Variants in DYNLRB1 observed in about 807,000 individuals in gnomAD.
The protein encoded by DYNLRB1 is ROBL/LC7-like 1.
In DYNLRB1, 6 loss-of-function variants were observed where a neutral mutation model predicts 13.5. The ratio of observed to expected loss-of-function variants is 0.44; its 90% CI spans 0.24 to 0.88. DYNLRB1 has a LOEUF of 0.88. Ranked by LOEUF, DYNLRB1 falls within the 40% of genes least tolerant of loss-of-function variation. The probability of loss-of-function intolerance (pLI) is 0.21; values close to 1 mark genes in which losing one functional copy is unlikely to be tolerated. For synonymous variants in DYNLRB1, 43 were observed against 45.0 expected (o/e 0.96, Z 0.18); for missense variants, 93 against 127.2 (o/e 0.73, Z 1.29).
chr20:34,524,269 CTT>C (rs1979996071), intron 1 of DYNLRB1, among the ~76,000 whole-genome samples: 1 of 152,130 alleles, frequency 6.6e-6, no homozygotes, highest in African/African-American at 2.4e-5. Flanking sequence ...CACCAAAGCA[CTT>C]TATTTTTGCA....
In DYNLRB1 at chr20:34,516,666, C is replaced by G. The variant is rs1332508581; in HGVS notation, c.3+205C>G. 11 of 1,465,146 alleles carry G rather than the reference C, an allele frequency of 7.5e-6. 1 individual carries two copies. The highest frequency in any genetic ancestry group is 1.0e-5 in the Non-Finnish European group (11 of 1,105,366). The allele number at this position is 1,465,146 out of a possible 1,614,324, so 90.8% of individuals were successfully genotyped here. A position where few individuals can be genotyped will look rare whatever the true frequency, so the allele number is the denominator to read the frequency against. On this transcript the variant is annotated intron_variant, in intron 1 of 3. Transcript: ENST00000357156. ...CCTGACCGAGGCGGGGCCGCCGGAT[C>G]CCGCTGCCCCTTGACCGGAAGCGGG...
At chr20:34,530,289 G>A (rs993740413) in intron 2 of DYNLRB1, 3 of 1,009,956 alleles carry the variant, frequency 3.0e-6, no homozygotes, top group African/African-American at 1.7e-5. Flanking sequence ...AGCTGAGAAC[G>A]TGGAATGCAG....
At chr20:34,519,118 C>T (rs2146612438) in intron 1 of DYNLRB1, among the ~76,000 whole-genome samples, 1 of 151,846 alleles carries the variant, frequency 6.6e-6, no homozygotes, top group Middle Eastern at 3.4e-3. Context: ...GACAGGGTTT[C>T]ACCATGTTGA....
chr20:34,522,657 A>G (rs931968848), intron 1 of DYNLRB1, among the ~76,000 whole-genome samples: 1 of 151,580 alleles, frequency 6.6e-6, no homozygotes, highest in Admixed American at 6.6e-5. Flanking sequence ...TATCTTTTGT[A>G]GAGACGAAGC....
intron 2 of DYNLRB1, chr20:34,529,737 A>G: frequency 9.0e-7 from 1 of 1,108,620 alleles, no homozygotes; most frequent in Non-Finnish European, 1.2e-6. Context: ...CTCAAAAAAA[A>G]AAAAAAAATG....
intron 2 of DYNLRB1, chr20:34,530,559 C>T (rs993636380): frequency 6.5e-6 from 1 of 153,518 alleles, no homozygotes; most frequent in East Asian, 1.9e-4. Flanking sequence ...ACACAGTGAC[C>T]CTGCGAGGCA....
chr20:34,526,364 T>A (rs1980212668), intron 2 of DYNLRB1, 21 bp downstream of exon 2: 2 of 1,613,408 alleles, frequency 1.2e-6, no homozygotes, highest in African/African-American at 1.3e-5. Context: ...CCTCCCGCCA[T>A]GACCCGCACC....
At chr20:34,532,745 C>T (rs1051584781) in intron 2 of DYNLRB1, among the ~76,000 whole-genome samples, 2 of 152,172 alleles carry the variant, frequency 1.3e-5, no homozygotes, top group Non-Finnish European at 2.9e-5. Flanking sequence ...AACCTGTTCT[C>T]CTGACTTGAC....
intron 1 of DYNLRB1, among the ~76,000 whole-genome samples, chr20:34,526,063 C>T (rs1001008417): frequency 3.9e-5 from 6 of 152,270 alleles, no homozygotes; most frequent in Middle Eastern, 6.8e-3. Context: ...CCCTGTCCTG[C>T]GTGGGGGTGT....
chr20:34,528,306 C>T (rs1292390731), intron 2 of DYNLRB1, among the ~76,000 whole-genome samples: 2 of 17,236 alleles, frequency 1.2e-4, no homozygotes, highest in East Asian at 1.2e-3. Context: ...AGCGAGACTC[C>T]GTCTCAAAAA....
In DYNLRB1 at chr20:34,536,208, C is replaced by T. The variant is rs1426784691; in HGVS notation, c.247+1413C>T. On this transcript the variant is annotated intron_variant, in intron 3 of 3. Coordinates refer to ENST00000357156, the MANE Select transcript of DYNLRB1 (RefSeq NM_014183.4). Reference sequence around the variant, plus strand: ...CGGGGAGAAAAGACTGCAGGAGGCACAGAATCTGTTTTCCCAGCTTTGCTT... The same window carrying T: ...CGGGGAGAAAAGACTGCAGGAGGCATAGAATCTGTTTTCCCAGCTTTGCTT... The T allele has an allele frequency of 4.1e-6, 4 of 985,318 alleles. No homozygotes were observed. In the African/African-American group the frequency reaches 7.0e-5, roughly 17 times the overall value. The allele number at this position is 985,318 out of a possible 1,614,324, so 61.0% of individuals were successfully genotyped here.
chr20:34,540,485 A>G, intron 3 of DYNLRB1, 96 bp from the exon 4 acceptor site: 1 of 1,191,756 alleles, frequency 8.4e-7, no homozygotes, highest in Admixed American at 2.2e-5. Context: ...CCCCTTCCTC[A>G]TTTTATGGTT....
At chr20:34,519,494 C>G (rs898844517) in intron 1 of DYNLRB1, among the ~76,000 whole-genome samples, 5 of 152,026 alleles carry the variant, frequency 3.3e-5, no homozygotes, top group African/African-American at 9.7e-5. Context: ...TGCACTCCAC[C>G]CTGGGTGAGA....
chr20:34,535,646 A>G (rs1981084082), intron 3 of DYNLRB1: 1 of 984,992 alleles, frequency 1.0e-6, no homozygotes, highest in Non-Finnish European at 1.2e-6. Flanking sequence ...TGAGCCACAT[A>G]GTTGAGTGTG....
intron 1 of DYNLRB1, among the ~76,000 whole-genome samples, chr20:34,522,679 GC>G (rs944262566): frequency 2.0e-5 from 3 of 151,852 alleles, no homozygotes; most frequent in African/African-American, 4.8e-5. Context: ...TCACCATGTT[GC>G]CCAGGCTGGT....
In DYNLRB1 at chr20:34,540,717, G is replaced by A. The variant is rs1403151562; in HGVS notation, c.*93G>A. 1.0e-5 allele frequency: 14 copies of A among 1,340,858 alleles called. No individual in the cohort carries two copies. In the East Asian group the frequency reaches 1.9e-4, roughly 18 times the overall value. The allele number at this position is 1,340,858 out of a possible 1,614,324, so 83.1% of individuals were successfully genotyped here. ...GTCAGTGGACTAGCACATGGCAGTC[G>A]CTTGGAACCCACTCACACCAATCCA... On this transcript the variant is annotated 3_prime_UTR_variant, in exon 4 of 4. Coordinates refer to ENST00000357156, the MANE Select transcript of DYNLRB1 (RefSeq NM_014183.4).
chr20:34,521,867 G>A (rs749694923), intron 1 of DYNLRB1, among the ~76,000 whole-genome samples: 18 of 152,064 alleles, frequency 1.2e-4, no homozygotes, highest in Admixed American at 2.6e-4. Context: ...GCAACATGTC[G>A]AAACCCCATC....
chr20:34,540,035 C>T (rs1267834377), intron 3 of DYNLRB1, among the ~76,000 whole-genome samples: 4 of 152,158 alleles, frequency 2.6e-5, no homozygotes, highest in South Asian at 2.1e-4. Flanking sequence ...TGAAGTATGT[C>T]GGAATTCCAT....
chr20:34,535,146 G>A, intron 3 of DYNLRB1: 1 of 985,362 alleles, frequency 1.0e-6, no homozygotes, highest in South Asian at 4.7e-5. Context: ...CCCAGAAGAG[G>A]GGACACTGGA....
Sources: allele counts gnomAD v4.1 joint callset (sites outside exome capture counted in the v4.1 genomes callset), GRCh38; gene constraint gnomAD v4.1.1; transcripts MANE v1.5; gene names NCBI Gene and HGNC (gene_info 2026-07-23, HGNC 2026-07-21).